FMN1: variants seen among roughly 807,000 people sequenced by gnomAD.
FMN1 encodes formin 1.
In FMN1, 110 loss-of-function variants were observed where a neutral mutation model predicts 132.4. The ratio of observed to expected loss-of-function variants is 0.83; its 90% CI spans 0.71 to 0.97. The LOEUF (loss-of-function observed/expected upper bound fraction) is 0.97, where lower values mean the gene tolerates loss of function less well. Among genes scored for constraint, FMN1 ranks in the 50% least tolerant of loss-of-function variants. The pLI, the probability that FMN1 is intolerant of heterozygous loss-of-function variation, is 0.00. For missense variants in FMN1, 1,792 were observed against 1,705.3 expected (o/e 1.05, Z -0.90); for synonymous variants, 722 against 651.7 (o/e 1.11, Z -1.64).
At chr15:33,143,499 T>G (rs1468138351) in intron 4 of FMN1, among the ~76,000 whole-genome samples, 1 of 152,220 alleles carries the variant, frequency 6.6e-6, no homozygotes, top group Non-Finnish European at 1.5e-5. Context: ...TTGCTATCTT[T>G]GAGGAGAGAT....
At chr15:33,122,811 G>A (rs771807138) in intron 4 of FMN1, among the ~76,000 whole-genome samples, 1 of 152,196 alleles carries the variant, frequency 6.6e-6, no homozygotes, top group Non-Finnish European at 1.5e-5. Flanking sequence ...TCTGAAAGAA[G>A]AGGGAACTGG....
chr15:33,159,568 A>G (rs1054321948), intron 3 of FMN1, among the ~76,000 whole-genome samples: 1 of 152,234 alleles, frequency 6.6e-6, no homozygotes, highest in Non-Finnish European at 1.5e-5. Flanking sequence ...TGAATGTAAC[A>G]GAAAAAAAAC....
intron 4 of FMN1, among the ~76,000 whole-genome samples, chr15:33,134,102 C>T (rs1169811568): frequency 2.0e-5 from 3 of 152,268 alleles, no homozygotes; most frequent in African/African-American, 7.2e-5. Flanking sequence ...GCACACAACA[C>T]ATGCCCAGCT....
intron 19 of FMN1, among the ~76,000 whole-genome samples, chr15:32,777,544 A>AACACTT (rs2140874278): frequency 6.8e-6 from 1 of 147,428 alleles, no homozygotes; most frequent in South Asian, 2.1e-4. Flanking sequence ...TAACATTTAT[A>AACACTT]TATTACGTAT....
intron 6 of FMN1, among the ~76,000 whole-genome samples, chr15:33,054,074 G>A (rs936321012): frequency 4.6e-5 from 7 of 152,048 alleles, no homozygotes; most frequent in Non-Finnish European, 8.8e-5. Context: ...TGAACCTTCC[G>A]GTGTCCAACC....
At chr15:33,109,337 T>A (rs2140116247) in intron 4 of FMN1, among the ~76,000 whole-genome samples, 1 of 152,040 alleles carries the variant, frequency 6.6e-6, no homozygotes. Context: ...AAACAACCAA[T>A]GAGTATGGGG....
At chr15:32,777,482 A>T (rs147823076) in intron 19 of FMN1, among the ~76,000 whole-genome samples, 6,252 of 141,726 alleles carry the variant, frequency 0.044, 628 homozygotes, top group African/African-American at 0.11. Flanking sequence ...TTTATATATT[A>T]TATTTATATA....
intron 16 of FMN1, among the ~76,000 whole-genome samples, chr15:32,861,259 A>C (rs982792838): frequency 3.9e-5 from 6 of 152,248 alleles, no homozygotes; most frequent in African/African-American, 1.4e-4. Flanking sequence ...TGGTGAAAGC[A>C]AAGCTGAAGG....
chr15:33,004,995 C>A (rs2034335381), intron 7 of FMN1, among the ~76,000 whole-genome samples: 1 of 151,990 alleles, frequency 6.6e-6, no homozygotes, highest in African/African-American at 2.4e-5. Flanking sequence ...ACAATGAGAA[C>A]ACGTGGACAC....
intron 7 of FMN1, among the ~76,000 whole-genome samples, chr15:32,988,137 A>C (rs2033199308): frequency 7.3e-6 from 1 of 137,150 alleles, no homozygotes; most frequent in African/African-American, 2.7e-5. Flanking sequence ...CCAATGTTTG[A>C]TTCTAGGTCA....
At position 33,155,185 on chromosome 15, in the gene FMN1, G is replaced by C. The variant is rs188529554; in HGVS notation, c.-131-140C>G. The C allele has an allele frequency of 1.0e-4, 36 of 360,796 alleles. 1 individual carries two copies. The highest frequency in any genetic ancestry group is 7.8e-4 in the East Asian group (15 of 19,170). 22.3% of individuals were successfully genotyped at this position (360,796 alleles called of 1,614,324 possible). ...AACTCAAGGAATCAGACAACAGCCAGATTTCAATCTCTTCCTCACTCCCAC... is the reference window on the plus strand; with the variant it reads ...AACTCAAGGAATCAGACAACAGCCACATTTCAATCTCTTCCTCACTCCCAC... On this transcript the variant is annotated intron_variant, in intron 3 of 20. Transcript: ENST00000616417.
chr15:33,151,021 A>T, intron 4 of FMN1: 1 of 1,161,518 alleles, frequency 8.6e-7, no homozygotes, highest in Non-Finnish European at 1.1e-6. Context: ...TTCTCCCTGT[A>T]TGGGCTTCCC....
chr15:32,931,178 T>C lies in FMN1; in HGVS notation c.3139-4917A>G, dbSNP rs369544421. 1.2e-4 allele frequency among the ~76,000 whole-genome samples: 19 copies of C among 152,322 alleles called. No homozygotes were observed. The South Asian group carries it at 3.7e-3, about 30-fold the overall frequency. ...TGGTGGTTTTGGCTACTCAGGGTCTTCTGTGGTTCCATACAAATTTTAGGA... is the reference window on the plus strand; with the variant it reads ...TGGTGGTTTTGGCTACTCAGGGTCTCCTGTGGTTCCATACAAATTTTAGGA... On this transcript the variant is annotated intron_variant, in intron 9 of 20. Coordinates refer to ENST00000616417, the MANE Select transcript of FMN1 (RefSeq NM_001277313.2).
chr15:32,843,361 T>C (rs556655314), intron 17 of FMN1, among the ~76,000 whole-genome samples: 2 of 152,212 alleles, frequency 1.3e-5, no homozygotes, highest in Non-Finnish European at 2.9e-5. Context: ...CTCAGACCAA[T>C]TACAATTAAT....
chr15:33,054,925 T>C (rs572050625), intron 6 of FMN1, among the ~76,000 whole-genome samples: 6 of 152,292 alleles, frequency 3.9e-5, no homozygotes, highest in African/African-American at 1.4e-4. Context: ...TCATAACTGA[T>C]TACAGAGTTA....
chr15:33,097,345 G>A (rs530388581), intron 4 of FMN1, among the ~76,000 whole-genome samples: 1 of 149,982 alleles, frequency 6.7e-6, no homozygotes. Flanking sequence ...GGGCTAAAAG[G>A]AGCAGAAAAA....
chr15:32,873,206 A>G (rs1207942548), intron 16 of FMN1, among the ~76,000 whole-genome samples: 3 of 152,220 alleles, frequency 2.0e-5, no homozygotes, highest in Non-Finnish European at 2.9e-5. Flanking sequence ...AGACACTTGT[A>G]AATCTGTCGG....
At chr15:32,854,100 A>C (rs1184348828) in intron 17 of FMN1, among the ~76,000 whole-genome samples, 1 of 152,218 alleles carries the variant, frequency 6.6e-6, no homozygotes, top group Non-Finnish European at 1.5e-5. Flanking sequence ...CTTACCTATA[A>C]ATGAATATTA....
At chr15:33,191,547 T>A (rs1233124484) in intron 2 of FMN1, among the ~76,000 whole-genome samples, 3 of 152,176 alleles carry the variant, frequency 2.0e-5, no homozygotes, top group Non-Finnish European at 4.4e-5. Flanking sequence ...GCTGAAAGCG[T>A]AGATAAGCAC....
Sources: gnomAD v4.1 joint callset for allele counts (sites outside exome capture counted in the v4.1 genomes callset) on GRCh38, gnomAD v4.1.1 for gene constraint, MANE v1.5 for transcripts, NCBI Gene and HGNC (gene_info 2026-07-23, HGNC 2026-07-21) for gene names.